Variants in GLIS3 observed in about 807,000 individuals in gnomAD.
GLIS3 encodes zinc finger protein GLIS3.
GLIS3 carries 53 observed loss-of-function variants against 78.6 expected under a neutral mutation model. The observed-to-expected ratio is 0.67, with a 90% CI of 0.54 to 0.85. The LOEUF (loss-of-function observed/expected upper bound fraction) is 0.85. Ranked by LOEUF, GLIS3 falls within the 40% of genes least tolerant of loss-of-function variation. GLIS3 has a pLI of 0.00. For synonymous variants in GLIS3, 684 were observed against 509.9 expected (o/e 1.34, Z -4.60); for missense variants, 1,703 against 1,231.1 (o/e 1.38, Z -5.74).
At chr9:4,164,640 A>C (rs1442378565) in intron 2 of GLIS3, among the ~76,000 whole-genome samples, 1 of 152,194 alleles carries the variant, frequency 6.6e-6, no homozygotes, top group African/African-American at 2.4e-5. Context: ...TTATCCCTCC[A>C]AAGGAAAGGC....
the GLIS3 span, among the ~76,000 whole-genome samples, chr9:4,412,025 G>T: frequency 6.6e-6 from 1 of 152,178 alleles, no homozygotes; most frequent in South Asian, 2.1e-4. Context: ...GATATCAAAT[G>T]AGAAGGTTGT....
intron 9 of GLIS3, among the ~76,000 whole-genome samples, chr9:3,830,864 C>T (rs752884284): frequency 2.0e-5 from 3 of 152,188 alleles, no homozygotes; most frequent in African/African-American, 4.8e-5. Context: ...ATACATCCAA[C>T]CTACTATGCT....
At chr9:4,476,004 C>T in the GLIS3 span, among the ~76,000 whole-genome samples, 3 of 152,158 alleles carry the variant, frequency 2.0e-5, no homozygotes, top group African/African-American at 7.2e-5. Context: ...TCTCCTCAGC[C>T]TCCCAAATTG....
At chr9:4,418,988 A>C in the GLIS3 span, among the ~76,000 whole-genome samples, 1 of 152,224 alleles carries the variant, frequency 6.6e-6, no homozygotes, top group African/African-American at 2.4e-5. Context: ...TGGAAACCGA[A>C]TTGCTGAATC....
the GLIS3 span, among the ~76,000 whole-genome samples, chr9:4,367,679 C>G: frequency 2.2e-5 from 3 of 139,000 alleles, no homozygotes; most frequent in Admixed American, 2.2e-4. Context: ...TGAGCAGATA[C>G]TCTGTCATTC....
At chr9:4,084,048 T>C (rs1588631019) in intron 4 of GLIS3, among the ~76,000 whole-genome samples, 1 of 152,100 alleles carries the variant, frequency 6.6e-6, no homozygotes, top group African/African-American at 2.4e-5. Context: ...CCATTCAGAG[T>C]CTGAGGCCAG....
At chr9:4,311,355 G>C (rs1817352941) in intron 2 of GLIS3, among the ~76,000 whole-genome samples, 1 of 152,204 alleles carries the variant, frequency 6.6e-6, no homozygotes. Context: ...GTTGCAGTGA[G>C]TTGAGATAGC....
the GLIS3 span, among the ~76,000 whole-genome samples, chr9:4,393,890 G>A: frequency 9.9e-5 from 15 of 152,014 alleles, no homozygotes; most frequent in South Asian, 1.7e-3. Context: ...TCTTTTTACC[G>A]CCAGTAATAT....
At chr9:4,483,609 A>G in the GLIS3 span, among the ~76,000 whole-genome samples, 1 of 151,554 alleles carries the variant, frequency 6.6e-6, no homozygotes, top group South Asian at 2.1e-4. Context: ...AATCCCAACT[A>G]CTCAAGAGGC....
chr9:4,190,701 G>A (rs1325445133), intron 2 of GLIS3, among the ~76,000 whole-genome samples: 7 of 152,012 alleles, frequency 4.6e-5, no homozygotes, highest in Non-Finnish European at 1.0e-4. Flanking sequence ...GATACTCCTC[G>A]AGAAGAGCAA....
At chr9:4,266,624 ACACAC>A (rs1184149622) in intron 2 of GLIS3, among the ~76,000 whole-genome samples, 2 of 148,588 alleles carry the variant, frequency 1.3e-5, no homozygotes, top group Non-Finnish European at 3.0e-5. Context: ...ACACACACAC[ACACAC>A]ACTTTCCTTA....
At position 4,125,720 on chromosome 9, in the gene GLIS3, A is replaced by G. The variant is rs1586744053; in HGVS notation, c.596+14T>C. The G allele has an allele frequency of 6.2e-7, 1 of 1,608,360 alleles. No homozygotes were observed. Among genetic ancestry groups the G allele is most frequent in the Non-Finnish European group, 8.5e-7 (1 of 1,176,118 alleles). On this transcript the variant is annotated intron_variant, in intron 3 of 10. Coordinates refer to ENST00000381971, the MANE Select transcript of GLIS3 (RefSeq NM_001042413.2). ...ATACCATAAAGAAAGGGGAAAAAAA[A>G]GTTAACTTGAGACCTGGTATCTGAA...
chr9:4,292,153 G>T (rs1462963287), intron 1 of GLIS3, among the ~76,000 whole-genome samples: 3 of 152,124 alleles, frequency 2.0e-5, no homozygotes, highest in African/African-American at 7.2e-5. Context: ...ATTCAATGAA[G>T]TATTCATTTT....
chr9:4,186,087 T>C (rs540307436), intron 2 of GLIS3, among the ~76,000 whole-genome samples: 1 of 152,132 alleles, frequency 6.6e-6, no homozygotes, highest in African/African-American at 2.4e-5. Context: ...GCCATGCTGG[T>C]GTGCTGCACA....
At chr9:3,851,220 A>C (rs1819412677) in intron 9 of GLIS3, among the ~76,000 whole-genome samples, 2 of 152,218 alleles carry the variant, frequency 1.3e-5, no homozygotes, top group Admixed American at 1.3e-4. Flanking sequence ...TACACATATC[A>C]ACTCTTGGGC....
intron 6 of GLIS3, among the ~76,000 whole-genome samples, chr9:3,925,124 T>A (rs190901593): frequency 9.8e-4 from 149 of 152,310 alleles, no homozygotes; most frequent in African/African-American, 3.5e-3. Flanking sequence ...TTTGACAAAA[T>A]ATTGTAATGT....
At chr9:4,124,258 G>A (rs184735993) in intron 3 of GLIS3, among the ~76,000 whole-genome samples, 19 of 152,202 alleles carry the variant, frequency 1.2e-4, no homozygotes, top group Non-Finnish European at 2.5e-4. Flanking sequence ...TCAGTGAATC[G>A]TTAAGGTGTT....
At chr9:4,008,974 T>A (rs1411920266) in intron 4 of GLIS3, among the ~76,000 whole-genome samples, 1 of 152,170 alleles carries the variant, frequency 6.6e-6, no homozygotes, top group African/African-American at 2.4e-5. Flanking sequence ...TCTTCACAGG[T>A]TGGCTTTCTG....
At chr9:4,167,045 C>G (rs148705109) in intron 2 of GLIS3, among the ~76,000 whole-genome samples, 4 of 151,962 alleles carry the variant, frequency 2.6e-5, no homozygotes, top group African/African-American at 9.6e-5. Flanking sequence ...AAAACATTGA[C>G]GCAAGTGGAG....
Sources: allele counts gnomAD v4.1 joint callset (sites outside exome capture counted in the v4.1 genomes callset), GRCh38; gene constraint gnomAD v4.1.1; transcripts MANE v1.5; gene names NCBI Gene and HGNC (gene_info 2026-07-23, HGNC 2026-07-21).